Variants in LILRB3 observed in about 807,000 individuals in gnomAD.
LILRB3 encodes leukocyte immunoglobulin like receptor B3, also known as leukocyte immunoglobulin-like receptor subfamily B member 3.
LILRB3 carries 32 observed loss-of-function variants against 68.2 expected under a neutral mutation model. The observed-to-expected ratio is 0.47, with a 90% CI of 0.35 to 0.63. LILRB3 has a LOEUF of 0.63. Ranked by LOEUF, LILRB3 falls within the 30% of genes least tolerant of loss-of-function variation. The probability of loss-of-function intolerance (pLI) is 0.00; values close to 1 mark genes in which losing one functional copy is unlikely to be tolerated. For synonymous variants in LILRB3, 185 were observed against 323.1 expected, an observed-to-expected ratio of 0.57 and a Z score of 4.58; for missense variants, 502 against 791.3, an observed-to-expected ratio of 0.63 and a Z score of 4.39.
rs1600889521 is a variant in LILRB3, at chr19:54,220,808, G to A, written c.978C>T (p.Ser326=). The change falls in exon 6 of 13, where the codon TCC becomes TCT. Residue 326 remains serine (S), a synonymous_variant. Transcript: ENST00000445347. ...CTGTGGGGCCCGGCTGTGCTGACAG[G>A]GAGACGGTGTCATAGATCTGTCCTG... The A allele has an allele frequency of 1.3e-6, 2 of 1,496,178 alleles. 1 individual carries two copies. Among genetic ancestry groups the A allele is most frequent in the Non-Finnish European group, 1.8e-6 (2 of 1,119,294 alleles). The allele number at this position is 1,496,178 out of a possible 1,614,324, so 92.7% of individuals were successfully genotyped here. A position where few individuals can be genotyped will look rare whatever the true frequency, so the allele number is the denominator to read the frequency against.
chr19:54,218,901 A>G, intron 8 of LILRB3, 63 bp from the exon 9 acceptor site: 1 of 1,603,672 alleles, frequency 6.2e-7, no homozygotes, highest in East Asian at 2.2e-5. Flanking sequence ...TACACATGCA[A>G]CTTGAGGGAA....
chr19:54,217,438 C>A (rs755761745), exon 12 of LILRB3: 29 of 1,609,578 alleles, frequency 1.8e-5, no homozygotes, highest in Non-Finnish European at 2.4e-5. Context: ...TTCACCGGGG[C>A]ATACGTCACT....
Position 54,219,123 on chromosome 19 carries a change from A to C in LILRB3, c.1426+6T>G. The C allele has an allele frequency of 6.3e-7, 1 of 1,585,234 alleles. No individual in the cohort carries two copies. The highest frequency in any genetic ancestry group is 1.8e-5 in the Admixed American group (1 of 54,206). The stretch of plus-strand genomic sequence containing the variant: ...CGACCCATGGGTCCCCCGCTTCCCT[A>C]CTCACCAGATGTCCTGTGTTTGCTG... On this transcript the variant is annotated splice_donor_region_variant and intron_variant, in intron 8 of 12. Transcript: ENST00000445347.
chr19:54,219,140 T>C, exon 8 of LILRB3: 1 of 1,601,472 alleles, frequency 6.2e-7, no homozygotes, highest in African/African-American at 1.3e-5. Flanking sequence ...AGATGTCCTG[T>C]GTTTGCTGTG....
chr19:54,222,079 G>T lies in LILRB3; in HGVS notation c.407C>A (p.Ser136Ter). 1 of 1,611,134 alleles carries T rather than the reference G, an allele frequency of 6.2e-7. No homozygotes were observed. Among genetic ancestry groups the T allele is most frequent in the Admixed American group, 1.7e-5 (1 of 59,914 alleles). Residue 136 changes from serine (S) to a stop codon, truncating the protein, a stop_gained, in exon 4 of 13, where the codon TCA (serine) becomes TAA (stop). Coordinates refer to ENST00000445347, the Ensembl canonical transcript of LILRB3. LOFTEE classifies it high-confidence loss of function. ...ACATCGGAGGGTCATATTCCCCCCT[G>T]AGGCCACCACAGGGCTGGGCAGGGC...
At chr19:54,220,269 C>T in intron 6 of LILRB3, 64 bp from the exon 7 acceptor site, 4 of 1,259,768 alleles carry the variant, frequency 3.2e-6, no homozygotes, top group Non-Finnish European at 4.2e-6. Context: ...CCTTCCACTC[C>T]CACTCTCCTG....
In LILRB3 at chr19:54,220,595, G is replaced by A. The variant is rs745941530; in HGVS notation, c.1191C>T (p.Tyr397=). The A allele has an allele frequency of 4.2e-5, 62 of 1,479,668 alleles. 6 individuals are homozygous for A. The highest frequency in any genetic ancestry group is 8.0e-5 in the Admixed American group (4 of 50,164). 91.7% of individuals were successfully genotyped at this position (1,479,668 alleles called of 1,614,324 possible). The change falls in exon 6 of 13, where the codon TAC becomes TAT. Residue 397 remains tyrosine, a synonymous_variant. Coordinates refer to ENST00000445347, the Ensembl canonical transcript of LILRB3. ...GGTGGGGGTTGGAGCTGCGTGAGCC[G>A]TAGCACCTGTAGGTCCCCGCGTGGG...
chr19:54,217,252 A>G lies in LILRB3; in HGVS notation c.1750-13T>C, dbSNP rs1436876679. ...CAGATGCAGCAGCCTGCAGCGGGGGAGAGTGAGAGGTAAGGAACGTGGTGG... is the reference window on the plus strand; with the variant it reads ...CAGATGCAGCAGCCTGCAGCGGGGGGGAGTGAGAGGTAAGGAACGTGGTGG... On this transcript the variant is annotated splice_polypyrimidine_tract_variant and intron_variant, in intron 12 of 12. Transcript: ENST00000445347. 2.9e-6 allele frequency: 4 copies of G among 1,364,284 alleles called. No individual in the cohort carries two copies. The African/African-American group carries it at 7.0e-5, about 24-fold the overall frequency. The allele number at this position is 1,364,284 out of a possible 1,614,324, so 84.5% of individuals were successfully genotyped here. A position where few individuals can be genotyped will look rare whatever the true frequency, so the allele number is the denominator to read the frequency against.
At chr19:54,221,903 T>C (rs1354116571) in exon 4 of LILRB3, 1 of 1,560,934 alleles carries the variant, frequency 6.4e-7, no homozygotes, top group African/African-American at 1.4e-5. Flanking sequence ...TAATAGCATG[T>C]GAACCTCCAC....
chr19:54,218,524 G>A (rs2077720198), intron 10 of LILRB3, 111 bp from the exon 11 acceptor site: 1 of 1,602,976 alleles, frequency 6.2e-7, no homozygotes, highest in Non-Finnish European at 8.5e-7. Flanking sequence ...AGGTCCCACA[G>A]TGTGGGGCAA....
chr19:54,217,758 C>T (rs946706880), intron 11 of LILRB3: 10 of 612,474 alleles, frequency 1.6e-5, no homozygotes, highest in South Asian at 1.0e-4. Context: ...TGCAGGGGCT[C>T]GTCCATCAGA....
exon 11 of LILRB3, chr19:54,218,387 C>T (rs1422595819): frequency 5.0e-6 from 8 of 1,614,082 alleles, no homozygotes; most frequent in African/African-American, 2.7e-5. Context: ...ACCCTGTCCT[C>T]AGACTGTGTG....
chr19:54,216,376 C>CT (rs1025163698), exon 13 of LILRB3: 1 of 149,634 alleles, frequency 6.7e-6, no homozygotes, highest in Admixed American at 6.7e-5. Flanking sequence ...GTGGTGCGAT[C>CT]TCAGCTCACT....
At chr19:54,216,334 G>A (rs1327441971) in exon 13 of LILRB3, 1 of 142,888 alleles carries the variant, frequency 7.0e-6, no homozygotes, top group African/African-American at 2.6e-5. Flanking sequence ...TTTCGAGACG[G>A]AATCTCACTC....
chr19:54,219,927 A>G (rs1194312640), intron 7 of LILRB3: 9 of 1,509,196 alleles, frequency 6.0e-6, no homozygotes, highest in Non-Finnish European at 8.1e-6. Context: ...CTCCTGGGTC[A>G]GGACAGGGAG....
intron 4 of LILRB3, 48 bp downstream of exon 4, chr19:54,221,780 C>T: frequency 6.3e-7 from 1 of 1,599,246 alleles, no homozygotes; most frequent in Non-Finnish European, 8.5e-7. Context: ...TCCCCACAAC[C>T]TGTCAGCTGC....
At position 54,221,879 on chromosome 19, in the gene LILRB3, T is replaced by C. The variant is rs547143870; in HGVS notation, c.607A>G (p.Thr203Ala). 2.0e-6 allele frequency: 3 copies of C among 1,526,302 alleles called. No homozygotes were observed. The Admixed American group carries it at 5.3e-5, about 27-fold the overall frequency. The allele number at this position is 1,526,302 out of a possible 1,614,324, so 94.5% of individuals were successfully genotyped here. A position where few individuals can be genotyped will look rare whatever the true frequency, so the allele number is the denominator to read the frequency against. The change falls in exon 4 of 13, where the codon ACC (threonine) becomes GCC (alanine). Residue 203 changes from threonine (T) to alanine (A), a missense_variant. By Grantham distance (58) the Thr-to-Ala change is moderately conservative. Transcript: ENST00000445347. ...CTGGGGTGGGACCACACCCAGGGGG[T>C]GTTTGTATAATAGTAATAGCATGTG...
At chr19:54,217,882 A>G (rs2077646145) in intron 11 of LILRB3, among the ~76,000 whole-genome samples, 1 of 151,930 alleles carries the variant, frequency 6.6e-6, no homozygotes, top group Non-Finnish European at 1.5e-5. Flanking sequence ...TCCCTGGTGT[A>G]TGTTCCTTAC....
Position 54,222,355 on chromosome 19 carries a change from G to T in LILRB3, c.278C>A (p.Ala93Glu), listed in dbSNP as rs760730319. The stretch of plus-strand genomic sequence containing the variant: ...GTAATAGTGGCAGCGGTATCTCCCT[G>T]CATGGTGCTGTGTCATGGATGGGAT... The change falls in exon 3 of 13, where the codon GCA (alanine) becomes GAA (glutamate). Residue 93 changes from alanine (A) to glutamate (E), a missense_variant. Around this residue, in one of 8 missense-constraint regions of LILRB3, gnomAD observed 97 missense variants for 180.4 expected, o/e 0.54. Coordinates refer to ENST00000445347, the Ensembl canonical transcript of LILRB3. The T allele has an allele frequency of 3.1e-6, 5 of 1,599,066 alleles. No individual in the cohort carries two copies. In the South Asian group the frequency reaches 5.5e-5, roughly 18 times the overall value.
Sources: gnomAD v4.1 joint callset for allele counts (sites outside exome capture counted in the v4.1 genomes callset) on GRCh38, gnomAD v4.1.1 for gene constraint, gnomAD v4.1.1 regional missense constraint, MANE v1.5 for transcripts, NCBI Gene and HGNC (gene_info 2026-07-23, HGNC 2026-07-21) for gene names.